Variants in EXTL3 observed in about 807,000 individuals in gnomAD.
EXTL3 encodes the protein exostosin-like 3.
Under a neutral mutation model 69.3 loss-of-function variants are expected in EXTL3, and 27 were observed. The observed-to-expected ratio is 0.39, with a 90% CI of 0.29 to 0.54. The LOEUF (loss-of-function observed/expected upper bound fraction) is 0.54. Among genes scored for constraint, EXTL3 ranks in the 20% least tolerant of loss-of-function variants. The pLI, the probability that EXTL3 is intolerant of heterozygous loss-of-function variation, is 0.69. For missense variants in EXTL3, 1,003 were observed against 1,231.8 expected, an observed-to-expected ratio of 0.81 and a Z score of 2.78; for synonymous variants, 511 against 499.4, an observed-to-expected ratio of 1.02 and a Z score of -0.31.
upstream of EXTL3, chr8:28,701,033 A>G (rs550660868): frequency 6.6e-6 from 1 of 152,406 alleles, no homozygotes; most frequent in South Asian, 2.1e-4. Flanking sequence ...TGTCTTTGTT[A>G]TGAAATAGTC....
At chr8:28,689,321 C>G (rs1222346388) in intron 1 of EXTL3, among the ~76,000 whole-genome samples, 1 of 152,158 alleles carries the variant, frequency 6.6e-6, no homozygotes, top group Non-Finnish European at 1.5e-5. Flanking sequence ...CTCCGGCTCC[C>G]CTATCACTGG....
chr8:28,724,712 A>T (rs1039785543), intron 3 of EXTL3, among the ~76,000 whole-genome samples: 21 of 152,160 alleles, frequency 1.4e-4, no homozygotes, highest in African/African-American at 4.8e-4. Flanking sequence ...AGGCAGGAGA[A>T]TCGTTTGAAC....
rs530700503 is a variant in EXTL3 at position 28,737,692 on chromosome 8, G to A, written c.2421+29G>A. On this transcript the variant is annotated intron_variant, in intron 5 of 6. Coordinates refer to ENST00000220562, the MANE Select transcript of EXTL3 (RefSeq NM_001440.4). ...AGAAAAAGCTGGTAATAATGGCATC[G>A]ACTTGGTGAGAGTTTCACCTTTGTG... 17 of 1,613,116 alleles carry A rather than the reference G, an allele frequency of 1.1e-5. No individual in the cohort carries two copies. The African/African-American group carries it at 1.5e-4, about 14-fold the overall frequency.
intron 1 of EXTL3, among the ~76,000 whole-genome samples, chr8:28,663,126 G>A (rs62504320): frequency 0.4 from 60,489 of 152,036 alleles, 14,539 homozygotes; most frequent in Non-Finnish European, 0.55. Flanking sequence ...TTGAGGGAAA[G>A]GAAAAATGTT....
intron 6 of EXTL3, among the ~76,000 whole-genome samples, chr8:28,749,388 T>C (rs776921516): frequency 2.6e-5 from 4 of 152,048 alleles, no homozygotes; most frequent in Non-Finnish European, 5.9e-5. Context: ...TTCAGTGAAA[T>C]GGGATAAAAA....
intron 1 of EXTL3, among the ~76,000 whole-genome samples, chr8:28,689,624 A>C (rs1011283939): frequency 3.9e-5 from 6 of 152,342 alleles, no homozygotes; most frequent in African/African-American, 1.2e-4. Context: ...AGGTGGAAGG[A>C]AGGCATTTCA....
At chr8:28,685,457 C>T (rs1397271217) in intron 1 of EXTL3, among the ~76,000 whole-genome samples, 7 of 149,674 alleles carry the variant, frequency 4.7e-5, no homozygotes, top group African/African-American at 1.2e-4. Context: ...CTTTTTTTGA[C>T]GACATTGACA....
At chr8:28,615,253 A>G (rs2130534535) in intron 2 of EXTL3, among the ~76,000 whole-genome samples, 1 of 152,298 alleles carries the variant, frequency 6.6e-6, no homozygotes, top group East Asian at 1.9e-4. Flanking sequence ...GTAGATGTCA[A>G]TTATATTCAG....
At chr8:28,709,454 A>G (rs546006381) in intron 1 of EXTL3, among the ~76,000 whole-genome samples, 1 of 152,152 alleles carries the variant, frequency 6.6e-6, no homozygotes. Flanking sequence ...CGTGGAAGGC[A>G]TAACAGCCAG....
intron 1 of EXTL3, among the ~76,000 whole-genome samples, chr8:28,634,149 T>A (rs1354560313): frequency 1.3e-5 from 2 of 152,218 alleles, no homozygotes; most frequent in Non-Finnish European, 2.9e-5. Flanking sequence ...CTCTGAGCTT[T>A]TTGTTTTTAT....
upstream of EXTL3, chr8:28,696,522 T>C (rs1800688464): frequency 6.6e-6 from 1 of 152,258 alleles, no homozygotes. Context: ...CTCATTCTTA[T>C]TGCTGTAAAG....
intron 1 of EXTL3, among the ~76,000 whole-genome samples, chr8:28,691,836 G>C (rs1484503965): frequency 6.6e-6 from 1 of 152,074 alleles, no homozygotes; most frequent in Non-Finnish European, 1.5e-5. Context: ...GGCAGAAGTT[G>C]TGGTGTGCCG....
rs951970009 is a variant in EXTL3, at chr8:28,709,956, A to G, written c.-569-3501A>G. On this transcript the variant is annotated intron_variant, in intron 1 of 6. Coordinates refer to ENST00000220562, the MANE Select transcript of EXTL3 (RefSeq NM_001440.4). ...TGGAGTGATTACATTACAGCTTTCC[A>G]GGGCTACTGCTTGGTTCAGCCCTCC... 3.3e-5 allele frequency among the ~76,000 whole-genome samples: 5 copies of G among 152,316 alleles called. No homozygotes were observed. In the South Asian group the frequency reaches 8.3e-4, roughly 25 times the overall value.
rs532850713 is a variant in EXTL3 at position 28,649,214 on chromosome 8, T to G, written c.-53+26404T>G. Reference sequence around the variant, plus strand: ...CCACTGTGCTCCACATAAGTCATATTCATGTGTCATTTCCTTGTACCTGTA... The same window carrying G: ...CCACTGTGCTCCACATAAGTCATATGCATGTGTCATTTCCTTGTACCTGTA... On this transcript the variant is annotated intron_variant, in intron 1 of 6. Transcript: ENST00000523149. Among the ~76,000 whole-genome samples, 57 of 152,330 alleles carry G rather than the reference T, an allele frequency of 3.7e-4. 2 individuals are homozygous for G. In the South Asian group the frequency reaches 0.011, roughly 29 times the overall value.
chr8:28,756,155 A>G (rs1293288871), downstream of EXTL3, among the ~76,000 whole-genome samples: 2 of 152,190 alleles, frequency 1.3e-5, no homozygotes, highest in African/African-American at 4.8e-5. Context: ...TTGAGTTCTG[A>G]CAAATGCACA....
intron 6 of EXTL3, among the ~76,000 whole-genome samples, chr8:28,748,380 A>AC (rs1479587091): frequency 6.6e-6 from 1 of 152,098 alleles, no homozygotes. Context: ...AAAAAAAAAA[A>AC]AACTTGACAG....
chr8:28,622,642 A>C (rs1411397326), upstream of EXTL3: 4 of 65,692 alleles, frequency 6.1e-5, no homozygotes, highest in African/African-American at 9.1e-5. Context: ...GGAGCCTCCC[A>C]GGGGGCAGTG....
At chr8:28,641,000 A>G (rs1405627645) in intron 1 of EXTL3, among the ~76,000 whole-genome samples, 1 of 152,200 alleles carries the variant, frequency 6.6e-6, no homozygotes, top group Non-Finnish European at 1.5e-5. Flanking sequence ...ACTTTTTAAA[A>G]TGTACTTTTG....
intron 3 of EXTL3, 40 bp from the exon 4 acceptor site, chr8:28,731,181 AAC>A: frequency 6.2e-7 from 1 of 1,613,902 alleles, no homozygotes; most frequent in Non-Finnish European, 8.5e-7. Flanking sequence ...GGCCTTTCAT[AAC>A]ACAGCCTTAA....
Sources: gnomAD v4.1 joint callset for allele counts (sites outside exome capture counted in the v4.1 genomes callset) on GRCh38, gnomAD v4.1.1 for gene constraint, MANE v1.5 for transcripts, NCBI Gene and HGNC (gene_info 2026-07-23, HGNC 2026-07-21) for gene names.